PARPBP: variants seen among roughly 807,000 people sequenced by gnomAD.
PARPBP encodes PCNA-interacting partner.
Under a neutral mutation model 50.0 loss-of-function variants are expected in PARPBP, and 52 were observed. That is an observed-to-expected ratio of 1.04 (90% CI 0.83 to 1.31). The LOEUF (loss-of-function observed/expected upper bound fraction) is 1.31, where lower values mean the gene tolerates loss of function less well. PARPBP is among the 50% of genes most tolerant of loss of function. The pLI, the probability that PARPBP is intolerant of heterozygous loss-of-function variation, is 0.00. For missense variants in PARPBP, 697 were observed against 672.0 expected, an observed-to-expected ratio of 1.04 and a Z score of -0.41; for synonymous variants, 244 against 232.1, an observed-to-expected ratio of 1.05 and a Z score of -0.47.
intron 9 of PARPBP, among the ~76,000 whole-genome samples, chr12:102,188,844 T>C (rs1360052193): frequency 6.6e-6 from 1 of 151,852 alleles, no homozygotes; most frequent in East Asian, 1.9e-4. Context: ...ATCGATGACA[T>C]AGAACAAAAA....
intron 2 of PARPBP, among the ~76,000 whole-genome samples, chr12:102,129,464 C>G (rs1453240848): frequency 1.3e-5 from 2 of 152,128 alleles, no homozygotes; most frequent in Non-Finnish European, 2.9e-5. Context: ...TTGATATAAT[C>G]CCATTCATGT....
At chr12:102,147,601 A>T (rs1242268195) in intron 2 of PARPBP, among the ~76,000 whole-genome samples, 1 of 151,384 alleles carries the variant, frequency 6.6e-6, no homozygotes, top group Non-Finnish European at 1.5e-5. Flanking sequence ...GCATTAGGAG[A>T]TATACCTAAT....
At chr12:102,131,277 A>G (rs898327823) in intron 2 of PARPBP, among the ~76,000 whole-genome samples, 1 of 152,190 alleles carries the variant, frequency 6.6e-6, no homozygotes, top group Non-Finnish European at 1.5e-5. Context: ...GTAAGCTGAG[A>G]TTACACCACT....
At chr12:102,138,319 G>C (rs1486356818) in intron 2 of PARPBP, among the ~76,000 whole-genome samples, 2 of 152,102 alleles carry the variant, frequency 1.3e-5, no homozygotes, top group African/African-American at 4.8e-5. Context: ...AGAAGTATCT[G>C]TTCATATCCT....
At chr12:102,123,183 C>A (rs1039395727) in intron 1 of PARPBP, among the ~76,000 whole-genome samples, 1 of 152,180 alleles carries the variant, frequency 6.6e-6, no homozygotes, top group African/African-American at 2.4e-5. Context: ...TACCAAAATT[C>A]CAGACTCGCA....
chr12:102,143,195 C>T (rs527317381), intron 2 of PARPBP, among the ~76,000 whole-genome samples: 5 of 152,286 alleles, frequency 3.3e-5, no homozygotes, highest in Admixed American at 1.3e-4. Flanking sequence ...CAATGGCAGA[C>T]GCCCCCCACC....
chr12:102,177,455 G>T lies in PARPBP; in HGVS notation c.1006-1137G>T, dbSNP rs58994104. Among the ~76,000 whole-genome samples the T allele has an allele frequency of 1.0e-3, 153 of 152,186 alleles. 1 individual carries two copies. Among genetic ancestry groups the T allele is most frequent in the African/African-American group, 3.4e-3 (141 of 41,526 alleles). The stretch of plus-strand genomic sequence containing the variant: ...GTTGGTATCAAATCCAGCCAGAAAT[G>T]CCTTCAGAGTTTGTGCTTACATGTA... On this transcript the variant is annotated intron_variant, in intron 7 of 10. Coordinates refer to ENST00000327680, the MANE Select transcript of PARPBP (RefSeq NM_017915.5).
intron 4 of PARPBP, among the ~76,000 whole-genome samples, chr12:102,161,069 G>T (rs917019960): frequency 1.3e-5 from 2 of 151,746 alleles, no homozygotes; most frequent in African/African-American, 4.8e-5. Context: ...TCTTTGTAAG[G>T]CACCATAATA....
At chr12:102,173,393 T>C (rs879258726) in intron 6 of PARPBP, among the ~76,000 whole-genome samples, 2 of 152,154 alleles carry the variant, frequency 1.3e-5, no homozygotes, top group African/African-American at 2.4e-5. Flanking sequence ...CAATTCAGTG[T>C]AGTAAGACAA....
chr12:102,168,257 T>C (rs1257681578), intron 6 of PARPBP, among the ~76,000 whole-genome samples: 2 of 152,194 alleles, frequency 1.3e-5, no homozygotes, highest in African/African-American at 4.8e-5. Context: ...ATTACATTCC[T>C]TTTGGAGGAA....
chr12:102,120,425 T>A (rs976723927), intron 1 of PARPBP, 139 bp downstream of exon 1: 1 of 456,336 alleles, frequency 2.2e-6, no homozygotes, highest in Non-Finnish European at 4.4e-6. Flanking sequence ...GTGCAGTGAC[T>A]TGACGCTCGA....
chr12:102,195,498 A>T, intron 10 of PARPBP, 51 bp downstream of exon 10: 1 of 1,402,188 alleles, frequency 7.1e-7, no homozygotes, highest in Non-Finnish European at 9.9e-7. Context: ...CTAGTCTACT[A>T]ATTAGTTTTA....
At chr12:102,170,905 C>CTTTTTTTTTTTTTTTTTTTT (rs56390964) in intron 6 of PARPBP, among the ~76,000 whole-genome samples, 2 of 113,322 alleles carry the variant, frequency 1.8e-5, no homozygotes, top group African/African-American at 3.3e-5. Flanking sequence ...TTTAATTTTT[C>CTTTTTTTTTTTTTTTTTTTT]TTTTTTTTTT....
intron 2 of PARPBP, among the ~76,000 whole-genome samples, chr12:102,139,910 T>A (rs556669878): frequency 6.6e-6 from 1 of 152,248 alleles, no homozygotes; most frequent in East Asian, 1.9e-4. Flanking sequence ...GATTTTCGCA[T>A]GGATGTTCAT....
intron 3 of PARPBP, among the ~76,000 whole-genome samples, chr12:102,153,170 C>G (rs1294443828): frequency 1.3e-5 from 2 of 152,186 alleles, no homozygotes; most frequent in East Asian, 3.8e-4. Context: ...ATTCAGCATG[C>G]AGGACGACAG....
At chr12:102,181,046 G>T (rs773286873) in intron 8 of PARPBP, among the ~76,000 whole-genome samples, 2 of 151,916 alleles carry the variant, frequency 1.3e-5, no homozygotes, top group South Asian at 4.2e-4. Context: ...CTATAGGGTG[G>T]GTCTTCTCCT....
chr12:102,136,639 A>G (rs1446319980), intron 2 of PARPBP, among the ~76,000 whole-genome samples: 1 of 152,152 alleles, frequency 6.6e-6, no homozygotes, highest in Non-Finnish European at 1.5e-5. Context: ...TGGGTGGGAA[A>G]GAAGAGGTGA....
intron 5 of PARPBP, among the ~76,000 whole-genome samples, chr12:102,165,468 G>A (rs1045390456): frequency 1.3e-5 from 2 of 152,018 alleles, no homozygotes; most frequent in African/African-American, 4.8e-5. Context: ...ATATACTTTA[G>A]CTCTTAATTT....
chr12:102,168,651 A>C (rs548534944), intron 6 of PARPBP, among the ~76,000 whole-genome samples: 1 of 152,190 alleles, frequency 6.6e-6, no homozygotes, highest in African/African-American at 2.4e-5. Context: ...GGTTTCTGGG[A>C]GCCAGGGATA....
Sources: allele counts gnomAD v4.1 joint callset (sites outside exome capture counted in the v4.1 genomes callset), GRCh38; gene constraint gnomAD v4.1.1; transcripts MANE v1.5; gene names NCBI Gene and HGNC (gene_info 2026-07-23, HGNC 2026-07-21).